Variants in QSOX1 observed in about 807,000 individuals in gnomAD.
QSOX1 encodes quiescin sulfhydryl oxidase 1.
A neutral mutation model predicts 76.1 loss-of-function variants in QSOX1; 40 were observed. The ratio of observed to expected loss-of-function variants is 0.53; its 90% CI spans 0.41 to 0.68. The LOEUF is 0.68. QSOX1 is among the 30% of genes least tolerant of loss of function. QSOX1 has a pLI of 0.00. For missense variants in QSOX1, 931 were observed against 974.3 expected (o/e 0.96, Z 0.59); for synonymous variants, 392 against 413.1 (o/e 0.95, Z 0.62).
chr1:180,187,903 C>G (rs1028328182), intron 8 of QSOX1, among the ~76,000 whole-genome samples: 2 of 152,244 alleles, frequency 1.3e-5, no homozygotes, highest in African/African-American at 4.8e-5. Context: ...TATTCTGGCC[C>G]TTGCCTTGCT....
rs1325717985 is a variant in QSOX1 at position 180,200,736 on chromosome 1, T to C, written c.*3699T>C. On this transcript the variant is annotated 3_prime_UTR_variant, in exon 12 of 12. Coordinates refer to ENST00000367602, the MANE Select transcript of QSOX1 (RefSeq NM_002826.5). ...CCCTATTCTCCCAAATGGTGAGAGG[T>C]AGATCCAGGACTTGACCCCAGATCC... The C allele has an allele frequency of 1.3e-5, 2 of 152,120 alleles. No individual in the cohort carries two copies. The highest frequency in any genetic ancestry group is 2.9e-5 in the Non-Finnish European group (2 of 68,016). 9.4% of individuals were successfully genotyped at this position (152,120 alleles called of 1,614,324 possible). A position where few individuals can be genotyped will look rare whatever the true frequency, so the allele number is the denominator to read the frequency against.
At chr1:180,180,332 T>C (rs962831818) in intron 5 of QSOX1, among the ~76,000 whole-genome samples, 3 of 152,100 alleles carry the variant, frequency 2.0e-5, no homozygotes, top group Non-Finnish European at 4.4e-5. Flanking sequence ...TTCCTCAGCC[T>C]CCCAATTAGC....
intron 2 of QSOX1, among the ~76,000 whole-genome samples, chr1:180,169,549 G>A (rs1213551372): frequency 6.6e-6 from 1 of 152,240 alleles, no homozygotes; most frequent in Non-Finnish European, 1.5e-5. Flanking sequence ...GAGGACCGTT[G>A]CCAAGTGTGA....
chr1:180,162,659 A>G (rs966161246), intron 1 of QSOX1, among the ~76,000 whole-genome samples: 2 of 152,132 alleles, frequency 1.3e-5, no homozygotes, highest in African/African-American at 4.8e-5. Context: ...GAATTACTTG[A>G]GCCCAGGAGA....
intron 2 of QSOX1, among the ~76,000 whole-genome samples, chr1:180,172,457 C>T (rs114609428): frequency 1.8e-4 from 28 of 152,220 alleles, no homozygotes; most frequent in Non-Finnish European, 3.4e-4. Context: ...TCTGGCTGAC[C>T]GAGGTTCCTG....
At chr1:180,194,436 C>G (rs559986490) in intron 11 of QSOX1, 44 bp downstream of exon 11, 2 of 1,488,942 alleles carry the variant, frequency 1.3e-6, no homozygotes, top group South Asian at 2.7e-5. Flanking sequence ...TTGTGGGGGA[C>G]GAGGGGGTGA....
intron 10 of QSOX1, among the ~76,000 whole-genome samples, chr1:180,193,226 A>C (rs951695520): frequency 6.6e-6 from 1 of 152,078 alleles, no homozygotes; most frequent in East Asian, 1.9e-4. Context: ...TAAAGAAAAA[A>C]CACTAACGGG....
chr1:180,191,042 G>A (rs923968690), intron 10 of QSOX1, among the ~76,000 whole-genome samples: 4 of 152,142 alleles, frequency 2.6e-5, no homozygotes, highest in Admixed American at 2.6e-4. Context: ...GGGAAGTTGG[G>A]GAAACACGTT....
At position 180,203,672 on chromosome 1, in the gene QSOX1, T is replaced by C. The variant is rs1348119980; in HGVS notation, c.*6635T>C. ...ATGTAACCAACAGACCAAACCAATA[T>C]GGAGTCATTCATGCTAAATGAAACT... On this transcript the variant is annotated 3_prime_UTR_variant, in exon 12 of 12. Transcript: ENST00000367602. 2 of 152,210 alleles carry C rather than the reference T, an allele frequency of 1.3e-5. No individual in the cohort carries two copies. The highest frequency in any genetic ancestry group is 2.9e-5 in the Non-Finnish European group (2 of 68,038). The allele number at this position is 152,210 out of a possible 1,614,324, so 9.4% of individuals were successfully genotyped here. A position where few individuals can be genotyped will look rare whatever the true frequency, so the allele number is the denominator to read the frequency against.
At chr1:180,187,562 G>T (rs1663205483) in intron 8 of QSOX1, among the ~76,000 whole-genome samples, 4 of 152,252 alleles carry the variant, frequency 2.6e-5, no homozygotes, top group Admixed American at 2.6e-4. Flanking sequence ...TCTCTCAGCT[G>T]TGATCAAACC....
chr1:180,199,268 C>T lies in QSOX1; in HGVS notation c.*2231C>T, dbSNP rs760399547. On this transcript the variant is annotated 3_prime_UTR_variant, in exon 12 of 12. Transcript: ENST00000367602. ...GCCCACCAGCTGGGCCCTCCCCCACCCAGTCTGCCAGGCTGGGAGCTGGAG... is the reference window on the plus strand; with the variant it reads ...GCCCACCAGCTGGGCCCTCCCCCACTCAGTCTGCCAGGCTGGGAGCTGGAG... 7.5e-4 allele frequency: 114 copies of T among 152,416 alleles called. No individual in the cohort carries two copies. Among genetic ancestry groups the T allele is most frequent in the Middle Eastern group, 3.4e-3 (1 of 294 alleles). The allele number at this position is 152,416 out of a possible 1,614,324, so 9.4% of individuals were successfully genotyped here.
At chr1:180,178,376 C>T (rs747148397) in intron 4 of QSOX1, among the ~76,000 whole-genome samples, 10 of 152,186 alleles carry the variant, frequency 6.6e-5, no homozygotes, top group Admixed American at 2.0e-4. Context: ...TACAGGTGCC[C>T]GCCACCACAC....
intron 7 of QSOX1, among the ~76,000 whole-genome samples, chr1:180,184,284 T>G (rs1663115495): frequency 6.6e-6 from 1 of 152,154 alleles, no homozygotes; most frequent in African/African-American, 2.4e-5. Flanking sequence ...CGGGGCTGAC[T>G]GGGGAATGAA....
At position 180,166,445 on chromosome 1, in the gene QSOX1, G is replaced by A. The variant is rs1325694567; in HGVS notation, c.266-46G>A. 12 of 1,505,684 alleles carry A rather than the reference G, an allele frequency of 8.0e-6. No homozygotes were observed. The Admixed American group carries it at 1.7e-4, about 21-fold the overall frequency. The allele number at this position is 1,505,684 out of a possible 1,614,324, so 93.3% of individuals were successfully genotyped here. On this transcript the variant is annotated intron_variant, in intron 1 of 11. Coordinates refer to ENST00000367602, the MANE Select transcript of QSOX1 (RefSeq NM_002826.5). ...ATTAGGGGAGATGGGCGGGCAGAGG[G>A]GGTACCAGCCCCTCTTATTTACCCC...
At position 180,196,294 on chromosome 1, in the gene QSOX1, G is replaced by A; in HGVS notation, c.1501G>A (p.Val501Met). 6.2e-7 allele frequency: 1 copy of A among 1,613,666 alleles called. No homozygotes were observed. Among genetic ancestry groups the A allele is most frequent in the South Asian group, 1.1e-5 (1 of 91,076 alleles). Reference sequence around the variant, plus strand: ...CAGCGAGGACCCCCAGTTCCCCAAGGTGCAGTGGCCACCCCGTGAACTTTG... The same window carrying A: ...CAGCGAGGACCCCCAGTTCCCCAAGATGCAGTGGCCACCCCGTGAACTTTG... ...APSEDPQFPK[V>M]QWPPRELCSA... is the part of the protein sequence containing the mutation. Residue 501 changes from valine to methionine, a missense_variant, in exon 12 of 12, where the codon GTG becomes ATG. Coordinates refer to ENST00000367602, the MANE Select transcript of QSOX1 (RefSeq NM_002826.5). The surrounding 1 kb of genome is among the most constrained non-coding windows in gnomAD (Gnocchi z 4.1).
intron 6 of QSOX1, 127 bp downstream of exon 6, chr1:180,182,446 A>T: frequency 7.6e-7 from 1 of 1,314,420 alleles, no homozygotes; most frequent in Non-Finnish European, 1.1e-6. Flanking sequence ...CCTCAGGAGA[A>T]GCTGCAGTCT....
chr1:180,173,346 G>A lies in QSOX1; in HGVS notation c.367-1975G>A, dbSNP rs1173490022. ...GAAAAAGTGTCAGTCCATAAATGCCGTAACTTACATTATCAATACGATCTC... is the reference window on the plus strand; with the variant it reads ...GAAAAAGTGTCAGTCCATAAATGCCATAACTTACATTATCAATACGATCTC... On this transcript the variant is annotated intron_variant, in intron 2 of 11. Transcript: ENST00000367602. 1.3e-5 allele frequency among the ~76,000 whole-genome samples: 2 copies of A among 151,936 alleles called. 1 individual carries two copies. Among genetic ancestry groups the A allele is most frequent in the South Asian group, 4.1e-4 (2 of 4,826 alleles).
chr1:180,189,755 C>A, intron 9 of QSOX1, 81 bp downstream of exon 9: 1 of 1,476,976 alleles, frequency 6.8e-7, no homozygotes, highest in Non-Finnish European at 9.1e-7. Context: ...CATTTCTGAC[C>A]TTCTTCGCCA....
At chr1:180,155,780 C>G (rs573170308) in intron 1 of QSOX1, among the ~76,000 whole-genome samples, 1 of 152,232 alleles carries the variant, frequency 6.6e-6, no homozygotes, top group South Asian at 2.1e-4. Flanking sequence ...CCTCTCCTGA[C>G]CTGCCGCCTC....
Sources: gnomAD v4.1 joint callset for allele counts (sites outside exome capture counted in the v4.1 genomes callset) on GRCh38, gnomAD v4.1.1 for gene constraint, Gnocchi (gnomAD v3.1) non-coding constraint, MANE v1.5 for transcripts, NCBI Gene and HGNC (gene_info 2026-07-23, HGNC 2026-07-21) for gene names.